The following METTL24 variants were observed in gnomAD, a reference collection of about 807,000 sequenced individuals.
The protein encoded by METTL24 is methyltransferase like 24.
Under a neutral mutation model 32.7 loss-of-function variants are expected in METTL24, and 29 were observed. The observed-to-expected ratio is 0.89, with a 90% confidence interval of 0.66 to 1.21. The LOEUF (loss-of-function observed/expected upper bound fraction) is 1.21. Ranked by LOEUF, METTL24 falls within the 50% of genes most tolerant of loss-of-function variation. METTL24 has a pLI of 0.00. For missense variants in METTL24, 439 were observed against 468.1 expected, an observed-to-expected ratio of 0.94 and a Z score of 0.57; for synonymous variants, 163 against 179.5, an observed-to-expected ratio of 0.91 and a Z score of 0.73.
intron 2 of METTL24, among the ~76,000 whole-genome samples, chr6:110,322,354 G>A (rs577514596): frequency 6.6e-6 from 1 of 152,330 alleles, no homozygotes; most frequent in Middle Eastern, 3.4e-3. Flanking sequence ...TGGCTGCCAA[G>A]CATCTGTGAC....
intron 1 of METTL24, among the ~76,000 whole-genome samples, chr6:110,346,490 TTCTCTCTC>T (rs199636137): frequency 7.9e-6 from 1 of 127,316 alleles, no homozygotes; most frequent in African/African-American, 2.9e-5. Flanking sequence ...CCCTATATTA[TTCTCTCTC>T]TCTCTCTTTT....
intron 1 of METTL24, among the ~76,000 whole-genome samples, chr6:110,330,190 C>T (rs1225167680): frequency 6.6e-6 from 1 of 152,270 alleles, no homozygotes; most frequent in South Asian, 2.1e-4. Flanking sequence ...TCCGTTCTTG[C>T]AAGTAATCCC....
At chr6:110,320,010 G>A (rs190050242) in intron 2 of METTL24, among the ~76,000 whole-genome samples, 1 of 152,076 alleles carries the variant, frequency 6.6e-6, no homozygotes, top group Non-Finnish European at 1.5e-5. Context: ...AGTGTGGAGG[G>A]GTGTTTTATT....
rs73537982 is a variant in METTL24, at chr6:110,244,877, T to G, written c.*1069A>C. 3.3e-5 allele frequency among the ~76,000 whole-genome samples: 5 copies of G among 152,246 alleles called. No homozygotes were observed. The South Asian group carries it at 1.0e-3, about 32-fold the overall frequency. On this transcript the variant is annotated 3_prime_UTR_variant, in exon 5 of 5. Transcript: ENST00000338882. ...ATGAAGTAATCATTAAAGGCCTTAC[T>G]TCAGTGAGGAGAGCACAGACCGAAG...
intron 4 of METTL24, among the ~76,000 whole-genome samples, chr6:110,268,065 C>T (rs1562220810): frequency 6.6e-6 from 1 of 152,180 alleles, no homozygotes; most frequent in Admixed American, 6.6e-5. Flanking sequence ...AAGGGACAAA[C>T]ATCCAAATCA....
At chr6:110,346,425 G>A (rs1772474678) in intron 1 of METTL24, among the ~76,000 whole-genome samples, 1 of 152,042 alleles carries the variant, frequency 6.6e-6, no homozygotes, top group Non-Finnish European at 1.5e-5. Flanking sequence ...TATATTGGAG[G>A]AGTAGGGATA....
chr6:110,248,116 C>G (rs906778597), intron 4 of METTL24, among the ~76,000 whole-genome samples: 1 of 152,130 alleles, frequency 6.6e-6, no homozygotes, highest in Non-Finnish European at 1.5e-5. Flanking sequence ...TAGGCTGGCA[C>G]CTCTTCGCCT....
chr6:110,358,044 G>A lies in METTL24; in HGVS notation c.229C>T (p.Arg77Cys), dbSNP rs1406226686. 2.7e-6 allele frequency: 3 copies of A among 1,106,370 alleles called. No homozygotes were observed. The highest frequency in any genetic ancestry group is 3.3e-6 in the Non-Finnish European group (3 of 909,336). The allele number at this position is 1,106,370 out of a possible 1,614,324, so 68.5% of individuals were successfully genotyped here. ...GASRRQVTYVRSGRRAPPGGG... is the reference protein window; with the variant it reads ...GASRRQVTYVCSGRRAPPGGG... ...CCCGGCGGCGCCCGGCGACCGCTGCGCACGTAGGTCACCTGCCTCCTGCTG... is the reference window on the plus strand; with the variant it reads ...CCCGGCGGCGCCCGGCGACCGCTGCACACGTAGGTCACCTGCCTCCTGCTG... The change falls in exon 1 of 5, where the codon CGC (arginine) becomes TGC (cysteine). Residue 77 changes from arginine to cysteine, a missense_variant. By Grantham distance (180) the Arg-to-Cys change is radical (BLOSUM62 -3). Coordinates refer to ENST00000338882, the MANE Select transcript of METTL24 (RefSeq NM_001123364.3).
At chr6:110,321,689 T>C (rs1771932694) in intron 2 of METTL24, among the ~76,000 whole-genome samples, 1 of 152,174 alleles carries the variant, frequency 6.6e-6, no homozygotes, top group African/African-American at 2.4e-5. Context: ...AGCCCATCAC[T>C]CATGATTAAT....
rs117449314 is a variant in METTL24, at chr6:110,245,569, T to C, written c.*377A>G. On this transcript the variant is annotated 3_prime_UTR_variant, in exon 5 of 5. Transcript: ENST00000338882. ...AAATTTAAAACCCTATTTTAAACAG[T>C]AGGGGAAGAACTTAAAAATCTCACC... Among the ~76,000 whole-genome samples, 1,603 of 152,206 alleles carry C rather than the reference T, an allele frequency of 0.011. 13 individuals are homozygous for C. The highest frequency in any genetic ancestry group is 0.017 in the Middle Eastern group (5 of 294).
chr6:110,301,693 C>T (rs1479352370), intron 3 of METTL24, among the ~76,000 whole-genome samples: 1 of 152,168 alleles, frequency 6.6e-6, no homozygotes, highest in Non-Finnish European at 1.5e-5. Context: ...ACAGTAAAGA[C>T]ATACAAGCAA....
intron 3 of METTL24, among the ~76,000 whole-genome samples, chr6:110,305,076 G>A (rs1314839188): frequency 6.6e-6 from 1 of 152,114 alleles, no homozygotes; most frequent in African/African-American, 2.4e-5. Flanking sequence ...ATAAGTGAAG[G>A]AGAATAAAAT....
chr6:110,258,398 G>A (rs773514810), intron 4 of METTL24, among the ~76,000 whole-genome samples: 1 of 152,070 alleles, frequency 6.6e-6, no homozygotes, highest in Non-Finnish European at 1.5e-5. Context: ...AGGCAAAAGA[G>A]GTATATATTC....
chr6:110,332,695 G>A (rs1327195279), intron 1 of METTL24: 1 of 153,514 alleles, frequency 6.5e-6, no homozygotes, highest in East Asian at 1.9e-4. Context: ...ATCACCTAAG[G>A]CTAGGAGTTC....
chr6:110,250,516 C>T lies in METTL24; in HGVS notation c.787-4256G>A, dbSNP rs116529073. The stretch of plus-strand genomic sequence containing the variant: ...TCTGAGGTATGAAGGTTTAGAATTT[C>T]AACATATTAATTTGGGGGAGACACA... On this transcript the variant is annotated intron_variant, in intron 4 of 4. Coordinates refer to ENST00000338882, the MANE Select transcript of METTL24 (RefSeq NM_001123364.3). Among the ~76,000 whole-genome samples the T allele has an allele frequency of 4.4e-3, 672 of 152,032 alleles. 4 individuals carry two copies. The highest frequency in any genetic ancestry group is 0.015 in the African/African-American group (643 of 41,524).
At position 110,299,015 on chromosome 6, in the gene METTL24, G is replaced by A. The variant is rs1229691682; in HGVS notation, c.693C>T (p.Asp231=). ...CAACAGCTGGATGGGGATCCCGCCA[G>A]TCAATGGACAAGCGGTGATACCAAA... ...QHLWYHRLSI[D]WRDPHPAVAA... The change falls in exon 4 of 5, where the codon GAC becomes GAT. Residue 231 remains aspartate (D), a synonymous_variant. Transcript: ENST00000338882. 1 of 1,614,214 alleles carries A rather than the reference G, an allele frequency of 6.2e-7. No homozygotes were observed. Among genetic ancestry groups the A allele is most frequent in the Non-Finnish European group, 8.5e-7 (1 of 1,180,030 alleles).
chr6:110,259,674 TG>T (rs1347683607), intron 4 of METTL24, among the ~76,000 whole-genome samples: 1 of 152,214 alleles, frequency 6.6e-6, no homozygotes, highest in Non-Finnish European at 1.5e-5. Flanking sequence ...CCTCCTCAAG[TG>T]GGTCCCTGAA....
At chr6:110,316,051 G>A (rs772428829) in intron 2 of METTL24, among the ~76,000 whole-genome samples, 29 of 152,176 alleles carry the variant, frequency 1.9e-4, no homozygotes, top group Non-Finnish European at 3.4e-4. Flanking sequence ...GTTATCCAAG[G>A]TAAACAGCTG....
chr6:110,327,434 C>G (rs1772036026), intron 1 of METTL24, among the ~76,000 whole-genome samples: 1 of 152,140 alleles, frequency 6.6e-6, no homozygotes, highest in Non-Finnish European at 1.5e-5. Flanking sequence ...GTGTTGACCA[C>G]AAAGAAGCTA....
Sources: allele counts gnomAD v4.1 joint callset (sites outside exome capture counted in the v4.1 genomes callset), GRCh38; gene constraint gnomAD v4.1.1; transcripts MANE v1.5; gene names NCBI Gene and HGNC (gene_info 2026-07-23, HGNC 2026-07-21).